The following TNFSF4 variants were observed in gnomAD, a reference collection of about 807,000 sequenced individuals.
TNFSF4 encodes the protein tumor necrosis factor ligand superfamily member 4.
TNFSF4 carries 4 observed loss-of-function variants against 7.3 expected under a neutral mutation model. That is an observed-to-expected ratio of 0.55 (90% CI 0.27 to 1.25). The LOEUF (loss-of-function observed/expected upper bound fraction) is 1.25. Ranked by LOEUF, TNFSF4 falls within the 50% of genes most tolerant of loss-of-function variation. The pLI, the probability that TNFSF4 is intolerant of heterozygous loss-of-function variation, is 0.12. For missense variants in TNFSF4, 181 were observed against 208.8 expected (o/e 0.87, Z 0.82); for synonymous variants, 76 against 83.7 (o/e 0.91, Z 0.50).
the TNFSF4 span, among the ~76,000 whole-genome samples, chr1:173,280,091 T>C: frequency 6.6e-6 from 1 of 152,060 alleles, no homozygotes; most frequent in Non-Finnish European, 1.5e-5. Flanking sequence ...TTTTCTTCCT[T>C]TCTCTGCATA....
At chr1:173,274,586 A>G in the TNFSF4 span, among the ~76,000 whole-genome samples, 1 of 152,090 alleles carries the variant, frequency 6.6e-6, no homozygotes, top group East Asian at 1.9e-4. Context: ...CCCTGATTCT[A>G]TTACCTTACT....
At chr1:173,427,797 C>G in the TNFSF4 span, among the ~76,000 whole-genome samples, 1 of 152,216 alleles carries the variant, frequency 6.6e-6, no homozygotes, top group East Asian at 1.9e-4. Context: ...AGACTACAAA[C>G]CTGTACAGCA....
chr1:173,218,358 C>T, the TNFSF4 span, among the ~76,000 whole-genome samples: 268 of 152,264 alleles, frequency 1.8e-3, 2 homozygotes, highest in Middle Eastern at 6.8e-3. Context: ...AGGTCCCCTC[C>T]ACGGGTACTA....
At chr1:173,431,741 C>G in the TNFSF4 span, among the ~76,000 whole-genome samples, 1 of 152,332 alleles carries the variant, frequency 6.6e-6, no homozygotes, top group East Asian at 1.9e-4. Context: ...AATGCATGTT[C>G]AGGACTGCAA....
At chr1:173,206,961 C>T in intron 1 of TNFSF4, 63 bp downstream of exon 1, 1 of 1,517,212 alleles carries the variant, frequency 6.6e-7, no homozygotes, top group Non-Finnish European at 8.9e-7. Context: ...CGACTGTTTG[C>T]AGCTGTTGCA....
chr1:173,190,791 T>C (rs1385049049), intron 1 of TNFSF4, among the ~76,000 whole-genome samples: 2 of 152,120 alleles, frequency 1.3e-5, no homozygotes, highest in African/African-American at 2.4e-5. Flanking sequence ...CTCTGTGGAG[T>C]AGCACAAACA....
At chr1:173,283,066 C>T in the TNFSF4 span, among the ~76,000 whole-genome samples, 1 of 152,258 alleles carries the variant, frequency 6.6e-6, no homozygotes, top group African/African-American at 2.4e-5. Flanking sequence ...CCTTCTTTAC[C>T]TATGTCAAAG....
the TNFSF4 span, among the ~76,000 whole-genome samples, chr1:173,377,840 A>G: frequency 5.3e-5 from 8 of 152,154 alleles, no homozygotes; most frequent in African/African-American, 1.2e-4. Flanking sequence ...TCCTATTCAT[A>G]TAAGTGAGGA....
At chr1:173,223,851 C>T in the TNFSF4 span, among the ~76,000 whole-genome samples, 1 of 152,244 alleles carries the variant, frequency 6.6e-6, no homozygotes, top group African/African-American at 2.4e-5. Context: ...AGGAGAGAAA[C>T]CCCAGGGGAA....
chr1:173,344,263 G>A, the TNFSF4 span, among the ~76,000 whole-genome samples: 1 of 152,178 alleles, frequency 6.6e-6, no homozygotes, highest in Non-Finnish European at 1.5e-5. Flanking sequence ...GCAGTAAATA[G>A]CACCTGCAGA....
the TNFSF4 span, among the ~76,000 whole-genome samples, chr1:173,289,726 A>G: frequency 6.6e-6 from 1 of 152,316 alleles, no homozygotes; most frequent in South Asian, 2.1e-4. Context: ...CAACTGAAAA[A>G]TGCAGTATCT....
chr1:173,301,300 T>G, the TNFSF4 span, among the ~76,000 whole-genome samples: 1 of 151,866 alleles, frequency 6.6e-6, no homozygotes, highest in African/African-American at 2.4e-5. Flanking sequence ...TTTAAGTGCT[T>G]GAGATTTAAA....
At chr1:173,235,768 C>T in the TNFSF4 span, among the ~76,000 whole-genome samples, 15 of 152,142 alleles carry the variant, frequency 9.9e-5, no homozygotes, top group African/African-American at 3.4e-4. Context: ...GTGGCAAGAA[C>T]ACAACGTGAG....
At chr1:173,364,929 C>T in the TNFSF4 span, among the ~76,000 whole-genome samples, 1 of 151,334 alleles carries the variant, frequency 6.6e-6, no homozygotes, top group Non-Finnish European at 1.5e-5. Flanking sequence ...AAAAAGAAAT[C>T]ACAAAAAAAT....
chr1:173,231,157 G>A, the TNFSF4 span, among the ~76,000 whole-genome samples: 2 of 152,188 alleles, frequency 1.3e-5, no homozygotes, highest in African/African-American at 4.8e-5. Context: ...GAGAATTTTA[G>A]ACCAATATCC....
the TNFSF4 span, among the ~76,000 whole-genome samples, chr1:173,421,338 C>T: frequency 2.0e-5 from 3 of 152,064 alleles, no homozygotes; most frequent in African/African-American, 7.2e-5. Context: ...GGCAACCTGA[C>T]CCCCATTTTA....
chr1:173,273,901 C>T, the TNFSF4 span, among the ~76,000 whole-genome samples: 2 of 152,042 alleles, frequency 1.3e-5, no homozygotes, highest in African/African-American at 2.4e-5. Context: ...CTGTATTTTG[C>T]AAACTTTCTA....
the TNFSF4 span, among the ~76,000 whole-genome samples, chr1:173,243,083 A>T: frequency 7.1e-6 from 1 of 140,844 alleles, no homozygotes; most frequent in Non-Finnish European, 1.5e-5. Flanking sequence ...TTTCTCTCTG[A>T]CCTCCTTGCT....
At chr1:173,192,599 G>T (rs575818919) in intron 1 of TNFSF4, among the ~76,000 whole-genome samples, 2 of 152,148 alleles carry the variant, frequency 1.3e-5, no homozygotes, top group East Asian at 3.9e-4. Flanking sequence ...GTGTTTTTAG[G>T]GTAGTGAAAG....
Sources: gnomAD v4.1 joint callset for allele counts (sites outside exome capture counted in the v4.1 genomes callset) on GRCh38, gnomAD v4.1.1 for gene constraint, MANE v1.5 for transcripts, NCBI Gene and HGNC (gene_info 2026-07-23, HGNC 2026-07-21) for gene names.